MRC1: variants seen among roughly 807,000 people sequenced by gnomAD.
MRC1 encodes macrophage mannose receptor 1.
In MRC1, 62 loss-of-function variants were observed where a neutral mutation model predicts 102.9. The observed-to-expected ratio is 0.60, with a 90% confidence interval of 0.49 to 0.74. The LOEUF is 0.74. Ranked by LOEUF, MRC1 falls within the 30% of genes least tolerant of loss-of-function variation. The pLI, the probability that MRC1 is intolerant of heterozygous loss-of-function variation, is 0.00. For synonymous variants in MRC1, 457 were observed against 298.4 expected, an observed-to-expected ratio of 1.53 and a Z score of -5.48; for missense variants, 1,237 against 862.8, an observed-to-expected ratio of 1.43 and a Z score of -5.43.
chr10:17,910,899 A>G lies in MRC1; in HGVS notation c.*434A>G, dbSNP rs1170123093. 5 of 177,060 alleles carry G rather than the reference A, an allele frequency of 2.8e-5. No homozygotes were observed. The highest frequency in any genetic ancestry group is 4.9e-5 in the Non-Finnish European group (4 of 82,038). 11.0% of individuals were successfully genotyped at this position (177,060 alleles called of 1,614,324 possible). ...TACAAATTTCCTCAAGTGGCATAAA[A>G]ATGTAGTCAGTTTTCTCTTTTACCA... On this transcript the variant is annotated 3_prime_UTR_variant, in exon 30 of 30. Coordinates refer to ENST00000569591, the MANE Select transcript of MRC1 (RefSeq NM_002438.4).
rs782366950 is a variant in MRC1 at position 17,840,755 on chromosome 10, G to A, written c.865G>A (p.Gly289Ser). The change falls in exon 5 of 30, where the codon GGT becomes AGT. Residue 289 changes from glycine to serine, a missense_variant. Gly to Ser is a moderately conservative substitution (Grantham distance 56). Coordinates refer to ENST00000569591, the MANE Select transcript of MRC1 (RefSeq NM_002438.4). ...IGLNSLSFNS[G>S]WQWSDRSPFR... ...ACTTAACAGTCTGAGCTTCAACAGC[G>A]GTTGGCAGTGGAGTGACCGCAGTCC... 5.8e-5 allele frequency: 45 copies of A among 780,734 alleles called. No individual in the cohort carries two copies. The highest frequency in any genetic ancestry group is 4.4e-4 in the African/African-American group (26 of 59,132). 48.4% of individuals were successfully genotyped at this position (780,734 alleles called of 1,614,324 possible).
At chr10:17,852,842 T>C in intron 7 of MRC1, 125 bp from the exon 8 acceptor site, 1 of 764,804 alleles carries the variant, frequency 1.3e-6, no homozygotes, top group Admixed American at 1.7e-5. Context: ...CTATCTTTCA[T>C]GATGGTGATC....
intron 20 of MRC1, 38 bp downstream of exon 20, chr10:17,880,708 G>C (rs782623457): frequency 1.3e-6 from 1 of 780,110 alleles, no homozygotes; most frequent in East Asian, 2.4e-5. Context: ...GCACTGATCA[G>C]TATGGAGAGT....
intron 8 of MRC1, among the ~76,000 whole-genome samples, chr10:17,855,715 C>T (rs1010095516): frequency 4.6e-5 from 7 of 152,048 alleles, no homozygotes; most frequent in African/African-American, 1.2e-4. Context: ...AATCATATTG[C>T]GGCTCCAATC....
chr10:17,827,801 T>C (rs1589166612), intron 3 of MRC1, 86 bp downstream of exon 3: 3 of 764,180 alleles, frequency 3.9e-6, no homozygotes, highest in African/African-American at 1.7e-5. Flanking sequence ...AGAGCATTTT[T>C]CCCCAAAGTT....
intron 6 of MRC1, among the ~76,000 whole-genome samples, chr10:17,847,926 C>CTT (rs5783563): frequency 0.39 from 58,087 of 147,262 alleles, 11,673 homozygotes; most frequent in East Asian, 0.47. Flanking sequence ...TCTTTTTCTT[C>CTT]TTTTTTTTTT....
At chr10:17,879,486 T>C (rs1833483094) in intron 18 of MRC1, among the ~76,000 whole-genome samples, 1 of 152,184 alleles carries the variant, frequency 6.6e-6, no homozygotes, top group African/African-American at 2.4e-5. Context: ...CCTGAGTGGC[T>C]GGGATTACAG....
intron 4 of MRC1, among the ~76,000 whole-genome samples, chr10:17,836,562 C>G (rs1445286193): frequency 6.6e-6 from 1 of 152,140 alleles, no homozygotes; most frequent in Non-Finnish European, 1.5e-5. Context: ...GGTCTGGGCA[C>G]AGTGGCTCAC....
At chr10:17,907,109 A>G in intron 27 of MRC1, 110 bp downstream of exon 27, 3 of 709,992 alleles carry the variant, frequency 4.2e-6, no homozygotes, top group Admixed American at 2.2e-5. Context: ...TTCATGAGGA[A>G]TTTGAAAATT....
intron 22 of MRC1, 32 bp downstream of exon 22, chr10:17,885,467 C>T (rs1564623724): frequency 1.3e-6 from 1 of 779,654 alleles, no homozygotes; most frequent in Non-Finnish European, 2.4e-6. Context: ...CCTCTCTACA[C>T]ACCATCAGCT....
intron 1 of MRC1, among the ~76,000 whole-genome samples, chr10:17,820,927 C>G (rs1278116926): frequency 6.6e-6 from 1 of 152,282 alleles, no homozygotes; most frequent in East Asian, 1.9e-4. Context: ...TCAAAATTCT[C>G]ATTTTATTGC....
intron 4 of MRC1, 121 bp downstream of exon 4, chr10:17,833,960 A>G: frequency 6.0e-6 from 4 of 662,522 alleles, no homozygotes; most frequent in Non-Finnish European, 1.1e-5. Context: ...TAAGCAGTTT[A>G]TGTGGATGTC....
rs1279552732 is a variant in MRC1 at position 17,906,939 on chromosome 10, C to T, written c.3853C>T (p.Arg1285Trp). The T allele has an allele frequency of 2.2e-5, 18 of 829,894 alleles. No individual in the cohort carries two copies. Among genetic ancestry groups the T allele is most frequent in the Admixed American group, 5.1e-5 (3 of 59,074 alleles). The allele number at this position is 829,894 out of a possible 1,614,324, so 51.4% of individuals were successfully genotyped here. A position where few individuals can be genotyped will look rare whatever the true frequency, so the allele number is the denominator to read the frequency against. ...TGCAGAATCCAGTTTTCTGTCATAT[C>T]GGGTTGAGCCACTTAAAAGTAAAAC... ...SAAESSFLSYRVEPLKSKTNF... is the reference protein window; with the variant it reads ...SAAESSFLSYWVEPLKSKTNF... Residue 1285 changes from arginine (R) to tryptophan (W), a missense_variant, in exon 27 of 30, where the codon CGG (arginine) becomes TGG (tryptophan). Transcript: ENST00000569591.
At chr10:17,813,222 G>T (rs990072979) in intron 1 of MRC1, among the ~76,000 whole-genome samples, 1 of 152,074 alleles carries the variant, frequency 6.6e-6, no homozygotes, top group Non-Finnish European at 1.5e-5. Flanking sequence ...TTCTTGCTGC[G>T]CTGTTAGATC....
intron 6 of MRC1, among the ~76,000 whole-genome samples, chr10:17,847,301 G>A (rs1465619659): frequency 6.6e-6 from 1 of 152,104 alleles, no homozygotes; most frequent in Non-Finnish European, 1.5e-5. Context: ...TTAACCTGCC[G>A]GTGCTGGGAT....
chr10:17,811,987 C>T (rs1044927369), intron 1 of MRC1, among the ~76,000 whole-genome samples: 2 of 152,114 alleles, frequency 1.3e-5, no homozygotes, highest in Non-Finnish European at 2.9e-5. Flanking sequence ...TTAAACTATG[C>T]GAAGCCCCAA....
In MRC1 at chr10:17,820,569, T is replaced by C. The variant is rs992191391; in HGVS notation, c.62-2505T>C. Among the ~76,000 whole-genome samples the C allele has an allele frequency of 2.0e-5, 3 of 152,182 alleles. No homozygotes were observed. The East Asian group carries it at 5.8e-4, about 29-fold the overall frequency. On this transcript the variant is annotated intron_variant, in intron 1 of 29. Coordinates refer to ENST00000569591, the MANE Select transcript of MRC1 (RefSeq NM_002438.4). ...TGAATTTGACCAGTTAATAAGACTG[T>C]TGTTTGACAATACAGTGAAAATGGC...
chr10:17,820,327 T>G (rs1838376182), intron 1 of MRC1, among the ~76,000 whole-genome samples: 1 of 151,978 alleles, frequency 6.6e-6, no homozygotes, highest in African/African-American at 2.4e-5. Context: ...GGTTTTTAGC[T>G]TATAGATCTC....
chr10:17,860,195 C>T (rs1278249062), intron 9 of MRC1, among the ~76,000 whole-genome samples: 1 of 151,992 alleles, frequency 6.6e-6, no homozygotes, highest in African/African-American at 2.4e-5. Flanking sequence ...AATTCGGGTA[C>T]CTGGAGTTTT....
Sources: allele counts gnomAD v4.1 joint callset (sites outside exome capture counted in the v4.1 genomes callset), GRCh38; gene constraint gnomAD v4.1.1; transcripts MANE v1.5; gene names NCBI Gene and HGNC (gene_info 2026-07-23, HGNC 2026-07-21).